PLGRKT: variants seen among roughly 807,000 people sequenced by gnomAD.
PLGRKT encodes the protein plasminogen receptor with a C-terminal lysine.
PLGRKT carries 22 observed loss-of-function variants against 18.5 expected under a neutral mutation model. The ratio of observed to expected loss-of-function variants is 1.19; its 90% CI spans 0.85 to 1.70. PLGRKT has a LOEUF of 1.70. Ranked by LOEUF, PLGRKT falls within the 40% of genes most tolerant of loss-of-function variation. The pLI, the probability that PLGRKT is intolerant of heterozygous loss-of-function variation, is 0.00. For synonymous variants in PLGRKT, 72 were observed against 52.8 expected, an observed-to-expected ratio of 1.36 and a Z score of -1.58; for missense variants, 235 against 174.4, an observed-to-expected ratio of 1.35 and a Z score of -1.96.
chr9:5,412,162 T>G (rs1818378061), intron 3 of PLGRKT, among the ~76,000 whole-genome samples: 3 of 152,206 alleles, frequency 2.0e-5, no homozygotes, highest in Admixed American at 2.0e-4. Context: ...ATACAGAGAC[T>G]TAGTATGTGA....
chr9:5,396,426 C>T (rs1818049806), intron 3 of PLGRKT, among the ~76,000 whole-genome samples: 1 of 151,594 alleles, frequency 6.6e-6, no homozygotes, highest in Non-Finnish European at 1.5e-5. Flanking sequence ...GCTGGCACTA[C>T]AGGCATGTAC....
At chr9:5,363,018 G>C (rs1342347942) in intron 3 of PLGRKT, among the ~76,000 whole-genome samples, 1 of 151,942 alleles carries the variant, frequency 6.6e-6, no homozygotes, top group African/African-American at 2.4e-5. Flanking sequence ...GGGGTGTGGA[G>C]GAAGTCTGCA....
intron 3 of PLGRKT, among the ~76,000 whole-genome samples, chr9:5,388,113 T>C (rs1563775259): frequency 6.6e-6 from 1 of 151,736 alleles, no homozygotes; most frequent in South Asian, 2.1e-4. Context: ...TGAGACTGGA[T>C]GAAATGCCCC....
intron 3 of PLGRKT, among the ~76,000 whole-genome samples, chr9:5,411,073 A>G (rs1818353178): frequency 6.6e-6 from 1 of 152,172 alleles, no homozygotes; most frequent in Admixed American, 6.5e-5. Flanking sequence ...AATAAGAGAA[A>G]AGAAAGCAGA....
At chr9:5,424,434 T>C (rs1322520439) in intron 3 of PLGRKT, among the ~76,000 whole-genome samples, 1 of 103,818 alleles carries the variant, frequency 9.6e-6, no homozygotes, top group Non-Finnish European at 2.0e-5. Flanking sequence ...TATAACATAT[T>C]ATAAAATATA....
At chr9:5,433,756 C>T (rs1223079997) in intron 2 of PLGRKT, among the ~76,000 whole-genome samples, 7 of 137,606 alleles carry the variant, frequency 5.1e-5, no homozygotes, top group African/African-American at 2.0e-4. Context: ...CGCCTTTGCC[C>T]GGCTGCCCCG....
intron 3 of PLGRKT, among the ~76,000 whole-genome samples, chr9:5,412,144 GCAAGTA>G (rs1818377833): frequency 6.8e-6 from 1 of 147,774 alleles, no homozygotes; most frequent in South Asian, 2.1e-4. Context: ...AGAAACAAAT[GCAAGTA>G]CATACAGAGA....
chr9:5,363,573 T>C (rs568275040), intron 3 of PLGRKT, among the ~76,000 whole-genome samples: 71 of 152,204 alleles, frequency 4.7e-4, no homozygotes, highest in African/African-American at 1.6e-3. Context: ...CTCTGTGAGG[T>C]CTGCTCTGAA....
chr9:5,392,167 G>C (rs1817961870), intron 3 of PLGRKT, among the ~76,000 whole-genome samples: 1 of 151,908 alleles, frequency 6.6e-6, no homozygotes, highest in African/African-American at 2.4e-5. Context: ...TGTAATAGCA[G>C]TTATATTATC....
chr9:5,413,002 T>A (rs908476967), intron 3 of PLGRKT, among the ~76,000 whole-genome samples: 1 of 152,138 alleles, frequency 6.6e-6, no homozygotes, highest in Non-Finnish European at 1.5e-5. Context: ...AACTCACTCA[T>A]AATTAAAGAA....
At chr9:5,424,118 A>C (rs1315698159) in intron 3 of PLGRKT, among the ~76,000 whole-genome samples, 2 of 138,312 alleles carry the variant, frequency 1.4e-5, no homozygotes, top group South Asian at 4.3e-4. Context: ...TATAGTCTAT[A>C]TTATAATATA....
chr9:5,399,892 G>A (rs556900704), intron 3 of PLGRKT, among the ~76,000 whole-genome samples: 1 of 151,846 alleles, frequency 6.6e-6, no homozygotes, highest in Non-Finnish European at 1.5e-5. Flanking sequence ...TCAGGAAGCT[G>A]AGGAAGGAGA....
intron 3 of PLGRKT, among the ~76,000 whole-genome samples, chr9:5,366,220 T>A (rs1817383645): frequency 6.6e-6 from 1 of 152,176 alleles, no homozygotes; most frequent in Non-Finnish European, 1.5e-5. Flanking sequence ...TACCAATAAT[T>A]GGCATCCTTT....
At chr9:5,402,438 G>T (rs910457024) in intron 3 of PLGRKT, among the ~76,000 whole-genome samples, 2 of 151,888 alleles carry the variant, frequency 1.3e-5, no homozygotes, top group African/African-American at 4.9e-5. Flanking sequence ...AAGTGGTACT[G>T]CCTAAAAGGA....
intron 2 of PLGRKT, among the ~76,000 whole-genome samples, chr9:5,435,663 G>A (rs1818946227): frequency 6.6e-6 from 1 of 152,208 alleles, no homozygotes; most frequent in Admixed American, 6.5e-5. Flanking sequence ...TAATCCAACT[G>A]GGTGGGTACA....
chr9:5,383,682 T>G (rs1024140405), intron 3 of PLGRKT, among the ~76,000 whole-genome samples: 6 of 152,144 alleles, frequency 3.9e-5, no homozygotes, highest in African/African-American at 7.2e-5. Flanking sequence ...GCATGCAACC[T>G]ACATCCCTCA....
intron 3 of PLGRKT, among the ~76,000 whole-genome samples, chr9:5,423,141 T>G (rs1423940395): frequency 2.0e-5 from 3 of 152,152 alleles, no homozygotes; most frequent in Non-Finnish European, 4.4e-5. Flanking sequence ...CACAAAACAC[T>G]CTAGAATTCT....
rs1389227806 is a variant in PLGRKT, at chr9:5,418,726, G to A, written c.81+13171C>T. The A allele has an allele frequency of 3.7e-5, 25 of 670,574 alleles. No individual in the cohort carries two copies. Among genetic ancestry groups the A allele is most frequent in the East Asian group, 1.4e-4 (5 of 35,920 alleles). The allele number at this position is 670,574 out of a possible 1,614,324, so 41.5% of individuals were successfully genotyped here. ...TCTGATGAAGACCGGCATGTGCTCC[G>A]AAGCGTGTGGAATGGTGATGACAGC... On this transcript the variant is annotated intron_variant, in intron 3 of 5. Transcript: ENST00000223864. This position sits in a 1 kb window ranked among gnomAD's most constrained non-coding sequence, Gnocchi z 4.2.
At chr9:5,368,512 G>A (rs1263945715) in intron 3 of PLGRKT, among the ~76,000 whole-genome samples, 2 of 152,150 alleles carry the variant, frequency 1.3e-5, no homozygotes, top group Non-Finnish European at 2.9e-5. Flanking sequence ...GTTCTCACTT[G>A]TAAGTGGCAG....
Sources: allele counts gnomAD v4.1 joint callset (sites outside exome capture counted in the v4.1 genomes callset), GRCh38; gene constraint gnomAD v4.1.1; non-coding constraint Gnocchi (gnomAD v3.1); transcripts MANE v1.5; gene names NCBI Gene and HGNC (gene_info 2026-07-23, HGNC 2026-07-21).